The following PLXNA2 variants were observed in gnomAD, a reference collection of about 807,000 sequenced individuals.
PLXNA2 encodes the protein plexin A2.
A neutral mutation model predicts 193.5 loss-of-function variants in PLXNA2; 91 were observed. The ratio of observed to expected loss-of-function variants is 0.47; its 90% CI spans 0.40 to 0.56. The LOEUF (loss-of-function observed/expected upper bound fraction) is 0.56, where lower values mean the gene tolerates loss of function less well. Among genes scored for constraint, PLXNA2 ranks in the 20% least tolerant of loss-of-function variants. The pLI, the probability that PLXNA2 is intolerant of heterozygous loss-of-function variation, is 0.00. For missense variants in PLXNA2, 1,995 were observed against 2,503.2 expected (o/e 0.80, Z 4.33); for synonymous variants, 997 against 1,027.3 (o/e 0.97, Z 0.56).
chr1:208,233,185 C>T (rs1671744194), intron 1 of PLXNA2, among the ~76,000 whole-genome samples: 1 of 152,206 alleles, frequency 6.6e-6, no homozygotes, highest in South Asian at 2.1e-4. Context: ...TGCATACCCT[C>T]TCTTGCCAGG....
At chr1:208,100,084 TAAG>T (rs1667045124) in intron 5 of PLXNA2, among the ~76,000 whole-genome samples, 1 of 151,420 alleles carries the variant, frequency 6.6e-6, no homozygotes, top group Admixed American at 6.6e-5. Context: ...AAAAAAAAAA[TAAG>T]GATTGGCCAG....
intron 3 of PLXNA2, among the ~76,000 whole-genome samples, chr1:208,198,682 C>CA (rs1403758449): frequency 6.6e-6 from 1 of 152,204 alleles, no homozygotes; most frequent in African/African-American, 2.4e-5. Flanking sequence ...CAAAAGGGTG[C>CA]AAAGAGGTAG....
At chr1:208,097,281 T>C (rs1320766338) in intron 6 of PLXNA2, among the ~76,000 whole-genome samples, 1 of 152,182 alleles carries the variant, frequency 6.6e-6, no homozygotes, top group African/African-American at 2.4e-5. Context: ...GCCTTAGCCA[T>C]GGCTCATGGG....
chr1:208,078,578 C>T (rs538598741), intron 12 of PLXNA2, among the ~76,000 whole-genome samples: 2 of 152,252 alleles, frequency 1.3e-5, no homozygotes, highest in African/African-American at 4.8e-5. Context: ...CAGTTATAGA[C>T]TAGGGAGCAG....
Position 208,235,608 on chromosome 1 carries a change from G to A in PLXNA2, c.-81+8035C>T, listed in dbSNP as rs539666738. On this transcript the variant is annotated intron_variant, in intron 1 of 31. Transcript: ENST00000367033. Reference sequence around the variant, plus strand: ...TGGGACCAGGGAACAAACGGAGGGTGAGCACCGGTCAACAGGTGAGAAATC... The same window carrying A: ...TGGGACCAGGGAACAAACGGAGGGTAAGCACCGGTCAACAGGTGAGAAATC... Among the ~76,000 whole-genome samples the A allele has an allele frequency of 2.6e-5, 4 of 152,322 alleles. No individual in the cohort carries two copies. The South Asian group carries it at 6.2e-4, about 24-fold the overall frequency.
chr1:208,198,353 C>T (rs1484798833), intron 3 of PLXNA2, among the ~76,000 whole-genome samples: 1 of 152,208 alleles, frequency 6.6e-6, no homozygotes, highest in Non-Finnish European at 1.5e-5. Context: ...CAGACAATGT[C>T]TTTGAAGAAG....
chr1:208,160,678 T>C (rs1669081700), intron 3 of PLXNA2, among the ~76,000 whole-genome samples: 1 of 152,248 alleles, frequency 6.6e-6, no homozygotes, highest in African/African-American at 2.4e-5. Context: ...GCCATAAACA[T>C]TTTTGAGGAC....
chr1:208,103,004 C>T, intron 5 of PLXNA2, 143 bp downstream of exon 5: 3 of 679,612 alleles, frequency 4.4e-6, no homozygotes, highest in Non-Finnish European at 5.3e-6. Context: ...CCTCTTCCTG[C>T]TCTCAACACT....
intron 3 of PLXNA2, among the ~76,000 whole-genome samples, chr1:208,196,851 G>A (rs11119008): frequency 0.22 from 33,502 of 152,186 alleles, 4,702 homozygotes; most frequent in Non-Finnish European, 0.32. Context: ...TGGCAAGGGC[G>A]GGGGTAGATG....
At chr1:208,069,543 G>A (rs563973481) in intron 12 of PLXNA2, among the ~76,000 whole-genome samples, 1 of 152,352 alleles carries the variant, frequency 6.6e-6, no homozygotes, top group East Asian at 1.9e-4. Context: ...CTGGGGAGAT[G>A]CGAAGGGCTG....
chr1:208,186,233 AC>A (rs1669993499), intron 3 of PLXNA2, among the ~76,000 whole-genome samples: 1 of 152,100 alleles, frequency 6.6e-6, no homozygotes, highest in South Asian at 2.1e-4. Context: ...AACCCCTGTG[AC>A]TTCTCTTTGA....
intron 3 of PLXNA2, among the ~76,000 whole-genome samples, chr1:208,149,922 G>T (rs1255147910): frequency 1.3e-5 from 2 of 152,090 alleles, no homozygotes; most frequent in African/African-American, 2.4e-5. Flanking sequence ...CCTATTGCTG[G>T]CCCCGCCCTC....
At position 208,060,906 on chromosome 1, in the gene PLXNA2, C is replaced by G. The variant is rs1665599714; in HGVS notation, c.2587-69G>C. On this transcript the variant is annotated intron_variant, in intron 12 of 31. Transcript: ENST00000367033. ...AACAGAAACAGCAGCACCCTTCCCCCTCCCCCAGGGAGGTTTAAGAACCTC... is the reference window on the plus strand; with the variant it reads ...AACAGAAACAGCAGCACCCTTCCCCGTCCCCCAGGGAGGTTTAAGAACCTC... 8 of 1,490,794 alleles carry G rather than the reference C, an allele frequency of 5.4e-6. No individual in the cohort carries two copies. The Admixed American group carries it at 8.9e-5, about 16-fold the overall frequency. The allele number at this position is 1,490,794 out of a possible 1,614,324, so 92.3% of individuals were successfully genotyped here.
chr1:208,084,680 A>G, intron 9 of PLXNA2, 100 bp from the exon 10 acceptor site: 1 of 1,117,662 alleles, frequency 8.9e-7, no homozygotes, highest in Non-Finnish European at 1.3e-6. Context: ...GCTGCCCAAG[A>G]GCAGGATATT....
chr1:208,178,604 C>T (rs888238254), intron 3 of PLXNA2, among the ~76,000 whole-genome samples: 2 of 152,232 alleles, frequency 1.3e-5, no homozygotes, highest in Non-Finnish European at 2.9e-5. Context: ...CCCCATCTCA[C>T]ACTGCACCTG....
intron 3 of PLXNA2, among the ~76,000 whole-genome samples, chr1:208,192,443 AC>A (rs1309518279): frequency 2.0e-5 from 3 of 150,636 alleles, no homozygotes; most frequent in Non-Finnish European, 4.4e-5. Context: ...TGCCATTTGA[AC>A]CTTTTTTTTT....
Position 208,051,438 on chromosome 1 carries a change from G to T in PLXNA2, c.2994-15C>A. ...TCATTGACCTCCTGACAGGGAGACA[G>T]CAGGAGGGTTGAGAAGAAAGGCATG... On this transcript the variant is annotated splice_polypyrimidine_tract_variant and intron_variant, in intron 15 of 31. Transcript: ENST00000367033. 1 of 1,603,200 alleles carries T rather than the reference G, an allele frequency of 6.2e-7. No individual in the cohort carries two copies. The highest frequency in any genetic ancestry group is 8.5e-7 in the Non-Finnish European group (1 of 1,176,556).
intron 5 of PLXNA2, among the ~76,000 whole-genome samples, chr1:208,099,336 C>CG (rs1276105498): frequency 6.6e-6 from 1 of 152,138 alleles, no homozygotes; most frequent in Non-Finnish European, 1.5e-5. Flanking sequence ...AGTGCGGGAG[C>CG]GGGCCTGAGC....
At chr1:208,205,083 C>T (rs763112446) in intron 3 of PLXNA2, among the ~76,000 whole-genome samples, 1 of 152,228 alleles carries the variant, frequency 6.6e-6, no homozygotes, top group Non-Finnish European at 1.5e-5. Flanking sequence ...AAAGGAACTT[C>T]ACCCTAACCC....
Sources: gnomAD v4.1 joint callset for allele counts (sites outside exome capture counted in the v4.1 genomes callset) on GRCh38, gnomAD v4.1.1 for gene constraint, MANE v1.5 for transcripts, NCBI Gene and HGNC (gene_info 2026-07-23, HGNC 2026-07-21) for gene names.